Variants in MFSD2B observed in about 807,000 individuals in gnomAD.
The protein encoded by MFSD2B is sphingosine-1-phosphate transporter MFSD2B.
In MFSD2B, 56 loss-of-function variants were observed where a neutral mutation model predicts 58.4. The ratio of observed to expected loss-of-function variants is 0.96; its 90% confidence interval spans 0.77 to 1.20. The LOEUF (loss-of-function observed/expected upper bound fraction) is 1.20, where lower values mean the gene tolerates loss of function less well. Among genes scored for constraint, MFSD2B ranks in the 50% most tolerant of loss-of-function variants. The pLI is 0.00. For synonymous variants in MFSD2B, 287 were observed against 294.4 expected, an observed-to-expected ratio of 0.97 and a Z score of 0.26; for missense variants, 645 against 667.6, an observed-to-expected ratio of 0.97 and a Z score of 0.37.
Position 24,021,604 on chromosome 2 carries a change from G to A in MFSD2B, c.682-44G>A. 1 of 1,551,442 alleles carries A rather than the reference G, an allele frequency of 6.4e-7. No individual in the cohort carries two copies. ...TGCCCCTCCGGTGTCACCACCTCCA[G>A]GGGTTGAAGACATCACCCATCCCAG... is the stretch of plus-strand genomic sequence containing the variant. On this transcript the variant is annotated intron_variant, in intron 6 of 13. Coordinates refer to ENST00000338315, the MANE Select transcript of MFSD2B (RefSeq NM_001346880.2). The surrounding 1 kb of genome is among the most constrained non-coding windows in gnomAD (Gnocchi z 5.7).
At chr2:24,019,874 C>T (rs1558324313) in intron 6 of MFSD2B, among the ~76,000 whole-genome samples, 1 of 152,154 alleles carries the variant, frequency 6.6e-6, no homozygotes, top group Admixed American at 6.5e-5. Flanking sequence ...CCCCACCCTC[C>T]GAATCCACAC....
Position 24,016,218 on chromosome 2 carries a change from C to A in MFSD2B, c.285C>A (p.Asp95Glu). The A allele has an allele frequency of 6.2e-7, 1 of 1,613,980 alleles. No homozygotes were observed. The highest frequency in any genetic ancestry group is 8.5e-7 in the Non-Finnish European group (1 of 1,179,886). ...GAAAAGTGTCTGGGGCGGCTGCTGA[C>A]CCTGTGGCTGGGTTCTTCATCAACA... ...FGGKVSGAAA[D>E]PVAGFFINRS... is the part of the protein sequence containing the mutation. Residue 95 changes from aspartate (D) to glutamate (E), a missense_variant, in exon 3 of 14, where the codon GAC becomes GAA. By Grantham distance (45) the Asp-to-Glu change is conservative. Coordinates refer to ENST00000338315, the MANE Select transcript of MFSD2B (RefSeq NM_001346880.2).
intron 2 of MFSD2B, among the ~76,000 whole-genome samples, chr2:24,015,853 C>T (rs1429264441): frequency 1.3e-5 from 2 of 152,156 alleles, no homozygotes; most frequent in African/African-American, 4.8e-5. Flanking sequence ...ACACAGTGTC[C>T]ACCTCTGTCA....
chr2:24,025,446 G>C lies in MFSD2B; in HGVS notation c.1505G>C (p.Ser502Thr), dbSNP rs1295819467. The C allele has an allele frequency of 2.6e-6, 4 of 1,536,092 alleles. No individual in the cohort carries two copies. The East Asian group carries it at 9.8e-5, about 38-fold the overall frequency. ...CCTTCCCACAGGAGGACCAGCTACAGCCTGGCCTAAAGCTTAGGAGGGCGA... is the reference window on the plus strand; with the variant it reads ...CCTTCCCACAGGAGGACCAGCTACACCCTGGCCTAAAGCTTAGGAGGGCGA... Reference protein sequence around the residue: ...RLSLRRRTSYSLA With the variant: ...RLSLRRRTSYTLA Residue 502 changes from serine to threonine, a missense_variant, in exon 14 of 14, where the codon AGC (serine) becomes ACC (threonine). Physicochemically the swap from Ser to Thr is moderately conservative, Grantham distance 58. Transcript: ENST00000338315.
intron 6 of MFSD2B, among the ~76,000 whole-genome samples, chr2:24,019,450 C>T (rs966874840): frequency 6.6e-6 from 1 of 152,024 alleles, no homozygotes; most frequent in Admixed American, 6.6e-5. Context: ...CAGCCAGGTG[C>T]GGTGGCTCAC....
At chr2:24,014,002 C>T (rs1425494186) in intron 2 of MFSD2B, among the ~76,000 whole-genome samples, 4 of 150,014 alleles carry the variant, frequency 2.7e-5, no homozygotes, top group Admixed American at 6.7e-5. Context: ...CCACCACACT[C>T]GGCTAATTTG....
At position 24,017,526 on chromosome 2, in the gene MFSD2B, C is replaced by G; in HGVS notation, c.619C>G (p.His207Asp). 2.5e-6 allele frequency: 4 copies of G among 1,579,216 alleles called. No homozygotes were observed. Among genetic ancestry groups the G allele is most frequent in the Non-Finnish European group, 3.4e-6 (4 of 1,162,626 alleles). The change falls in exon 6 of 14, where the codon CAC becomes GAC. Residue 207 changes from histidine (H) to aspartate (D), a missense_variant. By Grantham distance (81) the His-to-Asp change is moderately conservative. Coordinates refer to ENST00000338315, the MANE Select transcript of MFSD2B (RefSeq NM_001346880.2). This position sits in a 1 kb window ranked among gnomAD's most constrained non-coding sequence, Gnocchi z 4.8. The stretch of plus-strand genomic sequence containing the variant: ...CCACGGGCTCATCGTGTCCGGCGCC[C>G]ACAGACCCCACAGGTGCGAGGCCAC... Reference protein sequence around the residue: ...TVHGLIVSGAHRPHRCEATAT... With the variant: ...TVHGLIVSGADRPHRCEATAT...
intron 1 of MFSD2B, among the ~76,000 whole-genome samples, chr2:24,011,812 A>C (rs1481472924): frequency 2.6e-5 from 4 of 152,200 alleles, no homozygotes; most frequent in Admixed American, 6.5e-5. Context: ...CTAAATGAAA[A>C]TATAGCAGGC....
At chr2:24,010,908 T>C (rs1217108590) in intron 1 of MFSD2B, among the ~76,000 whole-genome samples, 1 of 152,088 alleles carries the variant, frequency 6.6e-6, no homozygotes, top group Non-Finnish European at 1.5e-5. Context: ...GAGCACAGGA[T>C]TGCATCCCAC....
rs1302626605 is a variant in MFSD2B at position 24,025,956 on chromosome 2, T to G, written c.*500T>G. On this transcript the variant is annotated 3_prime_UTR_variant, in exon 14 of 14. Coordinates refer to ENST00000338315, the MANE Select transcript of MFSD2B (RefSeq NM_001346880.2). ...CCAGAATGGTTTCGATCTCCTGACC[T>G]CGTGATCCGCCCCGCCTCAGCCTCC... is the stretch of plus-strand genomic sequence containing the variant. 1 of 154,232 alleles carries G rather than the reference T, an allele frequency of 6.5e-6. No individual in the cohort carries two copies. The highest frequency in any genetic ancestry group is 2.4e-5 in the African/African-American group (1 of 41,456). The allele number at this position is 154,232 out of a possible 1,614,324, so 9.6% of individuals were successfully genotyped here.
chr2:24,010,119 C>T lies in MFSD2B; in HGVS notation c.23C>T (p.Ala8Val). MAAPPAP[A>V]AKGSPQPEPH... is the part of the protein sequence containing the mutation. ...GCAATGGCGGCGCCCCCTGCACCAG[C>T]CGCCAAGGGGTCCCCGCAGCCGGAG... is the stretch of plus-strand genomic sequence containing the variant. The change falls in exon 1 of 14, where the codon GCC becomes GTC. Residue 8 changes from alanine (A) to valine (V), a missense_variant. By Grantham distance (64) the Ala-to-Val change is moderately conservative. Coordinates refer to ENST00000338315, the MANE Select transcript of MFSD2B (RefSeq NM_001346880.2). 6.8e-7 allele frequency: 1 copy of T among 1,461,410 alleles called. No individual in the cohort carries two copies. Among genetic ancestry groups the T allele is most frequent in the Non-Finnish European group, 9.0e-7 (1 of 1,113,290 alleles). The allele number at this position is 1,461,410 out of a possible 1,614,324, so 90.5% of individuals were successfully genotyped here. A position where few individuals can be genotyped will look rare whatever the true frequency, so the allele number is the denominator to read the frequency against.
rs1662888899 is a variant in MFSD2B, at chr2:24,023,827, G to A, written c.1313+101G>A. 3.6e-6 allele frequency: 5 copies of A among 1,396,362 alleles called. No homozygotes were observed. Among genetic ancestry groups the A allele is most frequent in the African/African-American group, 2.9e-5 (2 of 69,996 alleles). 86.5% of individuals were successfully genotyped at this position (1,396,362 alleles called of 1,614,324 possible). ...CAAGCTCAGGGCATCCATGAGCCTGGGGCCTAAGCGCTACTCTTTGGAGAG... is the reference window on the plus strand; with the variant it reads ...CAAGCTCAGGGCATCCATGAGCCTGAGGCCTAAGCGCTACTCTTTGGAGAG... On this transcript the variant is annotated intron_variant, in intron 12 of 13. Transcript: ENST00000338315. This position sits in a 1 kb window ranked among gnomAD's most constrained non-coding sequence, Gnocchi z 5.0.
chr2:24,021,888 T>C lies in MFSD2B; in HGVS notation c.812T>C (p.Leu271Pro), dbSNP rs1266984128. The C allele has an allele frequency of 2.1e-5, 34 of 1,613,856 alleles. No individual in the cohort carries two copies. The highest frequency in any genetic ancestry group is 2.7e-5 in the Non-Finnish European group (32 of 1,179,864). ...GCCTCAGGCCCAGGCTTGAGTTTCC[T>C]GGCTGGGCTGAGCCTCACTACCCGG... ...APASGPGLSF[L>P]AGLSLTTRHP... Residue 271 changes from leucine (L) to proline (P), a missense_variant, in exon 8 of 14, where the codon CTG (leucine) becomes CCG (proline). Transcript: ENST00000338315. The surrounding 1 kb of genome is among the most constrained non-coding windows in gnomAD (Gnocchi z 5.7).
intron 6 of MFSD2B, among the ~76,000 whole-genome samples, chr2:24,018,056 G>T (rs564410614): frequency 6.6e-6 from 1 of 152,062 alleles, no homozygotes; most frequent in African/African-American, 2.4e-5. Flanking sequence ...TCCCTTTCAC[G>T]GCGGGTCCCT....
rs773602625 is a variant in MFSD2B, at chr2:24,022,867, C to T, written c.1024C>T (p.Arg342Cys). The T allele has an allele frequency of 8.7e-6, 14 of 1,610,904 alleles. No homozygotes were observed. Among genetic ancestry groups the T allele is most frequent in the Middle Eastern group, 1.7e-4 (1 of 6,060 alleles). ...CCCGCTGTGGGAGTGGGTTCTCCAG[C>T]GCTTTGGGAAGAAGACGTCAGCCTT... ...STPLWEWVLQ[R>C]FGKKTSAFGI... The change falls in exon 10 of 14, where the codon CGC becomes TGC. Residue 342 changes from arginine to cysteine, a missense_variant. Arg to Cys is a radical substitution (Grantham distance 180). Transcript: ENST00000338315. The surrounding 1 kb of genome is among the most constrained non-coding windows in gnomAD (Gnocchi z 4.5).
chr2:24,018,077 G>A (rs1242962721), intron 6 of MFSD2B, among the ~76,000 whole-genome samples: 1 of 152,146 alleles, frequency 6.6e-6, no homozygotes, highest in East Asian at 1.9e-4. Flanking sequence ...TCAGCACTGG[G>A]CGGACACACC....
rs1035039961 is a variant in MFSD2B, at chr2:24,024,027, C to T, written c.1314-68C>T. ...GAGGGGGTGGGGTGGGGTGAGGTGT[C>T]GAGTCCCTCCACCCAGGGTGCCAGG... On this transcript the variant is annotated intron_variant, in intron 12 of 13. Coordinates refer to ENST00000338315, the MANE Select transcript of MFSD2B (RefSeq NM_001346880.2). This position sits in a 1 kb window ranked among gnomAD's most constrained non-coding sequence, Gnocchi z 4.3. 8 of 1,505,148 alleles carry T rather than the reference C, an allele frequency of 5.3e-6. No homozygotes were observed. The highest frequency in any genetic ancestry group is 4.5e-5 in the East Asian group (2 of 44,090). The allele number at this position is 1,505,148 out of a possible 1,614,324, so 93.2% of individuals were successfully genotyped here.
At chr2:24,015,070 G>T (rs1709090080) in intron 2 of MFSD2B, among the ~76,000 whole-genome samples, 1 of 151,972 alleles carries the variant, frequency 6.6e-6, no homozygotes. Flanking sequence ...AGTGAGCTAA[G>T]ATTGCACCAC....
At position 24,016,894 on chromosome 2, in the gene MFSD2B, T is replaced by C; in HGVS notation, c.397T>C (p.Phe133Leu). ...CGCCCTGGCCTACTTCTTCCTGTGG[T>C]TCCTGCCCCCCTTCACCAGCCTGCG... ...FIALAYFFLW[F>L]LPPFTSLRGL... The change falls in exon 4 of 14, where the codon TTC (phenylalanine) becomes CTC (leucine). Residue 133 changes from phenylalanine to leucine, a missense_variant. Coordinates refer to ENST00000338315, the MANE Select transcript of MFSD2B (RefSeq NM_001346880.2). The C allele has an allele frequency of 6.2e-7, 1 of 1,613,886 alleles. No individual in the cohort carries two copies. Among genetic ancestry groups the C allele is most frequent in the Admixed American group, 1.7e-5 (1 of 60,024 alleles).
Sources: gnomAD v4.1 joint callset for allele counts (sites outside exome capture counted in the v4.1 genomes callset) on GRCh38, gnomAD v4.1.1 for gene constraint, Gnocchi (gnomAD v3.1) non-coding constraint, MANE v1.5 for transcripts, NCBI Gene and HGNC (gene_info 2026-07-23, HGNC 2026-07-21) for gene names.